The following CBFB variants were observed in gnomAD, a reference collection of about 807,000 sequenced individuals.
CBFB encodes the protein core-binding factor subunit beta, also known as CBF-beta.
CBFB carries 9 observed loss-of-function variants against 30.4 expected under a neutral mutation model. That is an observed-to-expected ratio of 0.30 (90% CI 0.18 to 0.52). The LOEUF is 0.52. Ranked by LOEUF, CBFB falls within the 20% of genes least tolerant of loss-of-function variation. The probability of loss-of-function intolerance (pLI) is 0.97; values close to 1 mark genes in which losing one functional copy is unlikely to be tolerated. For missense variants in CBFB, 170 were observed against 244.0 expected (o/e 0.70, Z 2.02); for synonymous variants, 94 against 84.0 (o/e 1.12, Z -0.65).
Position 67,099,214 on chromosome 16 carries a change from G to T in CBFB, c.*436G>T. ...GTTTTGGTTATACAGCTTCATTTTA[G>T]ATGAGCATTCTTATTTTTTGTTTTG... On this transcript the variant is annotated 3_prime_UTR_variant, in exon 6 of 6. Transcript: ENST00000412916. 1 of 232,398 alleles carries T rather than the reference G, an allele frequency of 4.3e-6. No homozygotes were observed. Among genetic ancestry groups the T allele is most frequent in the East Asian group, 6.2e-5 (1 of 16,232 alleles). 14.4% of individuals were successfully genotyped at this position (232,398 alleles called of 1,614,324 possible).
chr16:67,096,496 CTATT>C (rs927133564), intron 5 of CBFB, among the ~76,000 whole-genome samples: 1 of 151,578 alleles, frequency 6.6e-6, no homozygotes, highest in Non-Finnish European at 1.5e-5. Flanking sequence ...TATAGTCTCT[CTATT>C]AAGTAATTTA....
rs908751116 is a variant in CBFB, at chr16:67,100,630, C to T, written c.*1852C>T. On this transcript the variant is annotated 3_prime_UTR_variant, in exon 6 of 6. Coordinates refer to ENST00000412916, the MANE Select transcript of CBFB (RefSeq NM_022845.3). ...AGAGCTCCTTGGTTTTTTACTTCTG[C>T]ACTTAAATTTTTTTAAATAACATGA... is the stretch of plus-strand genomic sequence containing the variant. 1 of 222,124 alleles carries T rather than the reference C, an allele frequency of 4.5e-6. No individual in the cohort carries two copies. Among genetic ancestry groups the T allele is most frequent in the African/African-American group, 2.2e-5 (1 of 44,652 alleles). The allele number at this position is 222,124 out of a possible 1,614,324, so 13.8% of individuals were successfully genotyped here. A position where few individuals can be genotyped will look rare whatever the true frequency, so the allele number is the denominator to read the frequency against.
At chr16:67,088,861 T>A (rs750566658) in intron 5 of CBFB, among the ~76,000 whole-genome samples, 5 of 152,206 alleles carry the variant, frequency 3.3e-5, no homozygotes, top group Non-Finnish European at 7.3e-5. Flanking sequence ...CGTGAGTATT[T>A]AATCTATGTG....
At chr16:67,061,002 C>G (rs1421455911) in intron 3 of CBFB, among the ~76,000 whole-genome samples, 1 of 152,026 alleles carries the variant, frequency 6.6e-6, no homozygotes, top group Non-Finnish European at 1.5e-5. Context: ...TGGGTGATAC[C>G]ACAGTTGATG....
chr16:67,081,420 G>A (rs1170456035), intron 4 of CBFB, among the ~76,000 whole-genome samples: 1 of 151,862 alleles, frequency 6.6e-6, no homozygotes, highest in Admixed American at 6.6e-5. Flanking sequence ...CAACCCAGAT[G>A]TCCAACAATG....
intron 3 of CBFB, among the ~76,000 whole-genome samples, chr16:67,049,383 T>C (rs1050738260): frequency 1.3e-5 from 2 of 151,654 alleles, no homozygotes; most frequent in Admixed American, 1.3e-4. Context: ...TTTGTACTTT[T>C]AGTAGAGACG....
At chr16:67,042,605 A>G (rs1030557000) in intron 3 of CBFB, among the ~76,000 whole-genome samples, 1 of 152,212 alleles carries the variant, frequency 6.6e-6, no homozygotes, top group Non-Finnish European at 1.5e-5. Context: ...GTTGCAGTCA[A>G]GCTTTTGCCT....
intron 2 of CBFB, 51 bp downstream of exon 2, chr16:67,029,864 C>T (rs749882783): frequency 4.3e-6 from 6 of 1,401,258 alleles, no homozygotes; most frequent in Admixed American, 2.2e-5. Flanking sequence ...CGCGGGGCCG[C>T]GGCGGCCCAG....
chr16:67,080,820 T>C (rs1961533292), intron 4 of CBFB, among the ~76,000 whole-genome samples: 4 of 152,222 alleles, frequency 2.6e-5, no homozygotes, highest in Admixed American at 6.5e-5. Context: ...CCTTAAATAT[T>C]GTATTCATCA....
intron 5 of CBFB, among the ~76,000 whole-genome samples, chr16:67,088,401 A>T (rs896202732): frequency 6.6e-6 from 1 of 152,194 alleles, no homozygotes. Context: ...ACATTATTAC[A>T]GTTGATAAAA....
intron 4 of CBFB, among the ~76,000 whole-genome samples, chr16:67,078,904 C>T (rs549222849): frequency 2.6e-5 from 4 of 152,156 alleles, no homozygotes; most frequent in Non-Finnish European, 5.9e-5. Context: ...GGTGACCCAC[C>T]GGCCTTGGCC....
chr16:67,048,603 T>C (rs987670673), intron 3 of CBFB, among the ~76,000 whole-genome samples: 7 of 152,132 alleles, frequency 4.6e-5, no homozygotes, highest in African/African-American at 1.7e-4. Context: ...GAGGCTGGAG[T>C]GCAGTGGCAT....
chr16:67,059,767 C>T (rs1170520671), intron 3 of CBFB, among the ~76,000 whole-genome samples: 1 of 152,030 alleles, frequency 6.6e-6, no homozygotes, highest in Non-Finnish European at 1.5e-5. Context: ...CCCCTGCTTA[C>T]TCTGGGGGTC....
At chr16:67,075,111 A>G (rs1273162024) in intron 4 of CBFB, among the ~76,000 whole-genome samples, 1 of 151,780 alleles carries the variant, frequency 6.6e-6, no homozygotes, top group Non-Finnish European at 1.5e-5. Context: ...AAGCCCATGA[A>G]CCTGGGAGGC....
intron 3 of CBFB, among the ~76,000 whole-genome samples, chr16:67,054,236 T>C (rs1960648111): frequency 6.6e-6 from 1 of 152,090 alleles, no homozygotes; most frequent in South Asian, 2.1e-4. Flanking sequence ...AGTGTCTTTA[T>C]TCTACGATAC....
intron 5 of CBFB, among the ~76,000 whole-genome samples, chr16:67,096,696 C>T (rs542673252): frequency 1.0e-3 from 154 of 151,866 alleles, no homozygotes; most frequent in Middle Eastern, 3.4e-3. Context: ...ACATCTGGGC[C>T]GGGCGCGGTG....
At chr16:67,038,307 T>C (rs1032251330) in intron 3 of CBFB, among the ~76,000 whole-genome samples, 53 of 151,616 alleles carry the variant, frequency 3.5e-4, no homozygotes, top group Non-Finnish European at 6.5e-4. Context: ...TACACGTATA[T>C]ATGTGTATAT....
intron 3 of CBFB, among the ~76,000 whole-genome samples, chr16:67,062,410 C>G (rs1039782800): frequency 1.3e-5 from 2 of 150,932 alleles, no homozygotes; most frequent in Non-Finnish European, 2.9e-5. Flanking sequence ...CTCAGGTGAT[C>G]TGCCCTGCCT....
chr16:67,100,799 T>C lies in CBFB; in HGVS notation c.*2021T>C. On this transcript the variant is annotated 3_prime_UTR_variant, in exon 6 of 6. Coordinates refer to ENST00000412916, the MANE Select transcript of CBFB (RefSeq NM_022845.3). Reference sequence around the variant, plus strand: ...TTTAGCACCATGCTGCTTCTGTCTGTCTTAATGCTGGCATTAAGATCATGA... The same window carrying C: ...TTTAGCACCATGCTGCTTCTGTCTGCCTTAATGCTGGCATTAAGATCATGA... 1 of 215,070 alleles carries C rather than the reference T, an allele frequency of 4.6e-6. No homozygotes were observed. The allele number at this position is 215,070 out of a possible 1,614,324, so 13.3% of individuals were successfully genotyped here.
Sources: allele counts gnomAD v4.1 joint callset (sites outside exome capture counted in the v4.1 genomes callset), GRCh38; gene constraint gnomAD v4.1.1; transcripts MANE v1.5; gene names NCBI Gene and HGNC (gene_info 2026-07-23, HGNC 2026-07-21).